SLC26A3: variants seen among roughly 807,000 people sequenced by gnomAD.
SLC26A3 encodes solute carrier family 26 member 3, also known as chloride anion exchanger.
In SLC26A3, 64 loss-of-function variants were observed where a neutral mutation model predicts 85.6. The ratio of observed to expected loss-of-function variants is 0.75; its 90% CI spans 0.61 to 0.92. The LOEUF (loss-of-function observed/expected upper bound fraction) is 0.92. SLC26A3 is among the 40% of genes least tolerant of loss of function. The pLI, the probability that SLC26A3 is intolerant of heterozygous loss-of-function variation, is 0.00. For missense variants in SLC26A3, 922 were observed against 927.3 expected (o/e 0.99, Z 0.07); for synonymous variants, 349 against 336.0 (o/e 1.04, Z -0.42).
Position 107,786,875 on chromosome 7 carries a change from T to A in SLC26A3, c.923A>T (p.Asp308Val), listed in dbSNP as rs80222394. ...AGCCACTTTAAACCTGTTTTTAAAG[T>A]CACAGCCGTAGGATACACCTGCTGC... ...VIAAGVSYGC[D>V]FKNRFKVAVV... Residue 308 changes from aspartate to valine, a missense_variant, in exon 8 of 21, where the codon GAC becomes GTC. Transcript: ENST00000340010. The A allele has an allele frequency of 6.2e-7, 1 of 1,614,116 alleles. No individual in the cohort carries two copies. Among genetic ancestry groups the A allele is most frequent in the Non-Finnish European group, 8.5e-7 (1 of 1,180,010 alleles).
rs771777037 is a variant in SLC26A3, at chr7:107,782,812, C to T, written c.1296G>A (p.Leu432=). Reference sequence around the variant, plus strand: ...ACAGTGTTACCTTTTGTAGAGGCGCCAGGAGAAATCCAATGGCTAGAACGA... The same window carrying T: ...ACAGTGTTACCTTTTGTAGAGGCGCTAGGAGAAATCCAATGGCTAGAACGA... ...LIVVLAIGFL[L]APLQKSVLAA... Residue 432 remains leucine, a synonymous_variant, in exon 11 of 21, where the codon CTG becomes CTA. Coordinates refer to ENST00000340010, the MANE Select transcript of SLC26A3 (RefSeq NM_000111.3). 22 of 1,614,036 alleles carry T rather than the reference C, an allele frequency of 1.4e-5. No individual in the cohort carries two copies. The highest frequency in any genetic ancestry group is 1.9e-5 in the Non-Finnish European group (22 of 1,179,946).
intron 8 of SLC26A3, among the ~76,000 whole-genome samples, chr7:107,785,181 A>G (rs115962081): frequency 1.0e-3 from 156 of 152,350 alleles, no homozygotes; most frequent in African/African-American, 3.6e-3. Flanking sequence ...TGTTACATGT[A>G]TTAACTCACT....
At chr7:107,800,374 C>T (rs1351267458) in intron 1 of SLC26A3, among the ~76,000 whole-genome samples, 1 of 152,200 alleles carries the variant, frequency 6.6e-6, no homozygotes, top group East Asian at 1.9e-4. Context: ...ACCATTGATT[C>T]ATTTCTTCAT....
In SLC26A3 at chr7:107,792,094, A is replaced by T. The variant is rs111879779; in HGVS notation, c.272-154T>A. Among the ~76,000 whole-genome samples, 124 of 152,352 alleles carry T rather than the reference A, an allele frequency of 8.1e-4. 1 individual carries two copies. In the Middle Eastern group the frequency reaches 0.01, roughly 13 times the overall value. On this transcript the variant is annotated intron_variant, in intron 3 of 20. Coordinates refer to ENST00000340010, the MANE Select transcript of SLC26A3 (RefSeq NM_000111.3). ...AGATGTAAATGTAAGAACTAAAACT[A>T]TAAAACTTTTAGAAGAAAGCATAGG... is the stretch of plus-strand genomic sequence containing the variant.
At position 107,789,666 on chromosome 7, in the gene SLC26A3, A is replaced by G. The variant is rs747520036; in HGVS notation, c.593T>C (p.Ile198Thr). The change falls in exon 6 of 21, where the codon ATT becomes ACT. Residue 198 changes from isoleucine (I) to threonine (T), a missense_variant. Transcript: ENST00000340010. ...AGACAGGTATATCACTACAAATCCA[A>G]TCCGCAGAATCCCAAAAGCCAACTG... ...IIQLAFGILR[I>T]GFVVIYLSES... 4 of 1,613,678 alleles carry G rather than the reference A, an allele frequency of 2.5e-6. No homozygotes were observed. The African/African-American group carries it at 5.3e-5, about 22-fold the overall frequency.
chr7:107,797,038 C>T (rs2115898137), intron 1 of SLC26A3, among the ~76,000 whole-genome samples: 1 of 152,170 alleles, frequency 6.6e-6, no homozygotes, highest in Middle Eastern at 3.4e-3. Flanking sequence ...TAATCAGTTT[C>T]CTTCTCTGAG....
At chr7:107,798,109 C>A (rs964911623) in intron 1 of SLC26A3, among the ~76,000 whole-genome samples, 1 of 151,890 alleles carries the variant, frequency 6.6e-6, no homozygotes. Context: ...TGCTTCCCTA[C>A]GACGTGCTTT....
intron 18 of SLC26A3, among the ~76,000 whole-genome samples, chr7:107,770,026 C>CTTTCTTTCTT (rs1554377109): frequency 1.9e-5 from 1 of 52,056 alleles, no homozygotes; most frequent in Admixed American, 1.9e-4. Flanking sequence ...TTCTTTCTTT[C>CTTTCTTTCTT]TTTCTTTCTT....
chr7:107,788,870 A>G (rs1157027281), intron 6 of SLC26A3, among the ~76,000 whole-genome samples: 1 of 139,398 alleles, frequency 7.2e-6, no homozygotes, highest in African/African-American at 2.8e-5. Flanking sequence ...TGCTGCCTCT[A>G]ACTCTCTGGC....
chr7:107,791,778 A>C, intron 4 of SLC26A3, 52 bp downstream of exon 4: 1 of 1,188,260 alleles, frequency 8.4e-7, no homozygotes, highest in South Asian at 1.2e-5. Context: ...GGCTAATAAA[A>C]TTCATAAGGA....
intron 6 of SLC26A3, 96 bp from the exon 7 acceptor site, chr7:107,787,605 A>C (rs1794319803): frequency 3.7e-6 from 4 of 1,075,862 alleles, no homozygotes; most frequent in Non-Finnish European, 5.6e-6. Flanking sequence ...CATGGAAGCA[A>C]AAAGACTGAT....
At chr7:107,770,097 A>T (rs1274230118) in intron 18 of SLC26A3, among the ~76,000 whole-genome samples, 429 of 25,266 alleles carry the variant, frequency 0.017, no homozygotes, top group Non-Finnish European at 0.02. Context: ...TTTCTTTCTT[A>T]TTTCGTCTTT....
chr7:107,777,904 C>G (rs1252655010), intron 13 of SLC26A3, among the ~76,000 whole-genome samples: 1 of 152,170 alleles, frequency 6.6e-6, no homozygotes, highest in Non-Finnish European at 1.5e-5. Context: ...CGAATAGACT[C>G]AGAGATTTAT....
intron 20 of SLC26A3, among the ~76,000 whole-genome samples, chr7:107,766,842 C>A (rs1409157654): frequency 6.6e-6 from 1 of 151,022 alleles, no homozygotes; most frequent in East Asian, 1.9e-4. Flanking sequence ...TGGTATGTGA[C>A]CTCAAGCAGA....
chr7:107,787,602 G>T, intron 6 of SLC26A3, 93 bp from the exon 7 acceptor site: 2 of 1,097,560 alleles, frequency 1.8e-6, no homozygotes, highest in Non-Finnish European at 2.7e-6. Context: ...AAACATGGAA[G>T]CAAAAAGACT....
intron 18 of SLC26A3, among the ~76,000 whole-genome samples, chr7:107,771,833 T>C (rs925890895): frequency 6.6e-6 from 1 of 152,216 alleles, no homozygotes; most frequent in Non-Finnish European, 1.5e-5. Context: ...TTGTTGCCTA[T>C]GAAATCAGGA....
At chr7:107,791,260 GTCAGTATATGCCTC>G (rs1378404836) in intron 4 of SLC26A3, 25 bp from the exon 5 acceptor site, 1 of 1,602,186 alleles carries the variant, frequency 6.2e-7, no homozygotes, top group Non-Finnish European at 8.6e-7. Context: ...GTGAATCGTG[GTCAGTATATGCCTC>G]TCTAAAGCAC....
chr7:107,774,495 A>G (rs1186666168), intron 16 of SLC26A3, among the ~76,000 whole-genome samples: 1 of 152,206 alleles, frequency 6.6e-6, no homozygotes, highest in Non-Finnish European at 1.5e-5. Context: ...TCAAGGCTGC[A>G]ATGAGCTGTG....
At chr7:107,787,682 G>A (rs1023680906) in intron 6 of SLC26A3, among the ~76,000 whole-genome samples, 173 bp from the exon 7 acceptor site, 1 of 152,204 alleles carries the variant, frequency 6.6e-6, no homozygotes, top group Non-Finnish European at 1.5e-5. Flanking sequence ...AGAGAGTAGC[G>A]ATGGAGATAT....
Sources: allele counts gnomAD v4.1 joint callset (sites outside exome capture counted in the v4.1 genomes callset), GRCh38; gene constraint gnomAD v4.1.1; transcripts MANE v1.5; gene names NCBI Gene and HGNC (gene_info 2026-07-23, HGNC 2026-07-21).